Variants in DZIP3 observed in about 807,000 individuals in gnomAD.
DZIP3 encodes DAZ interacting zinc finger protein 3, also known as E3 ubiquitin-protein ligase DZIP3.
A neutral mutation model predicts 162.0 loss-of-function variants in DZIP3; 118 were observed. That is an observed-to-expected ratio of 0.73 (90% CI 0.63 to 0.85). The LOEUF (loss-of-function observed/expected upper bound fraction) is 0.85. Among genes scored for constraint, DZIP3 ranks in the 40% least tolerant of loss-of-function variants. DZIP3 has a pLI of 0.00. For missense variants in DZIP3, 1,331 were observed against 1,407.0 expected, an observed-to-expected ratio of 0.95 and a Z score of 0.86; for synonymous variants, 438 against 458.6, an observed-to-expected ratio of 0.96 and a Z score of 0.57.
intron 9 of DZIP3, among the ~76,000 whole-genome samples, chr3:108,633,608 ATCTC>A (rs1159093623): frequency 6.7e-6 from 1 of 149,804 alleles, no homozygotes; most frequent in East Asian, 2.0e-4. Flanking sequence ...CTTCTGATAG[ATCTC>A]TCTCTCTGGA....
chr3:108,634,759 C>T, intron 9 of DZIP3, 112 bp from the exon 10 acceptor site: 1 of 488,094 alleles, frequency 2.0e-6, no homozygotes. Context: ...TTTTGAATGC[C>T]ATGTAAAATC....
chr3:108,638,350 C>T (rs1273821422), intron 12 of DZIP3, among the ~76,000 whole-genome samples: 1 of 151,550 alleles, frequency 6.6e-6, no homozygotes, highest in Non-Finnish European at 1.5e-5. Flanking sequence ...GAGTCTTGCT[C>T]TGTTGCCCAG....
chr3:108,654,341 C>T (rs1283568931), intron 19 of DZIP3, 31 bp downstream of exon 19: 1 of 1,611,844 alleles, frequency 6.2e-7, no homozygotes, highest in Non-Finnish European at 8.5e-7. Context: ...TGCCTGCCTT[C>T]TCTTATTGTT....
At chr3:108,644,894 A>G in intron 14 of DZIP3, 113 bp downstream of exon 14, 1 of 958,012 alleles carries the variant, frequency 1.0e-6, no homozygotes, top group Non-Finnish European at 1.5e-6. Flanking sequence ...TTTTGGGAAA[A>G]TGGACTCATC....
intron 3 of DZIP3, among the ~76,000 whole-genome samples, chr3:108,609,057 A>C (rs896634885): frequency 6.6e-5 from 10 of 152,138 alleles, no homozygotes; most frequent in Non-Finnish European, 1.5e-4. Flanking sequence ...TTAAACAACA[A>C]GATCTTGTGG....
intron 18 of DZIP3, among the ~76,000 whole-genome samples, chr3:108,653,679 C>T (rs936561619): frequency 4.0e-5 from 6 of 151,558 alleles, no homozygotes; most frequent in African/African-American, 1.5e-4. Context: ...ATGCTGTTTT[C>T]AACTCTCTAT....
chr3:108,644,402 G>C lies in DZIP3; in HGVS notation c.1380G>C (p.Pro460=), dbSNP rs199527435. 12 of 1,613,844 alleles carry C rather than the reference G, an allele frequency of 7.4e-6. No individual in the cohort carries two copies. In the East Asian group the frequency reaches 2.0e-4, roughly 27 times the overall value. The change falls in exon 14 of 33, where the codon CCG becomes CCC. Residue 460 remains proline (P), a synonymous_variant. Transcript: ENST00000361582. ...TTTATCCTCCTAACAAGGAGTTACCGCAATCCAAACAGTTTGACTTATGCC... is the reference window on the plus strand; with the variant it reads ...TTTATCCTCCTAACAAGGAGTTACCCCAATCCAAACAGTTTGACTTATGCC... ...HLLYPPNKEL[P]QSKQFDLCLL...
chr3:108,669,808 C>G, intron 22 of DZIP3, 59 bp downstream of exon 22: 1 of 1,349,442 alleles, frequency 7.4e-7, no homozygotes, highest in Non-Finnish European at 1.1e-6. Flanking sequence ...TCACTCAACA[C>G]TTTCTGGCTG....
At chr3:108,629,757 G>A (rs1941747633) in intron 8 of DZIP3, among the ~76,000 whole-genome samples, 2 of 151,232 alleles carry the variant, frequency 1.3e-5, no homozygotes, top group East Asian at 1.9e-4. Context: ...TATACAATGC[G>A]ATTTTGCCAT....
chr3:108,658,887 C>T (rs1943278072), intron 19 of DZIP3, among the ~76,000 whole-genome samples: 1 of 152,146 alleles, frequency 6.6e-6, no homozygotes, highest in South Asian at 2.1e-4. Flanking sequence ...ACTAGAAAAT[C>T]TAGAAGAAAT....
rs1290151292 is a variant in DZIP3 at position 108,634,887 on chromosome 3, T to C, written c.833T>C (p.Met278Thr). 6.2e-7 allele frequency: 1 copy of C among 1,606,568 alleles called. No individual in the cohort carries two copies. Among genetic ancestry groups the C allele is most frequent in the Admixed American group, 1.7e-5 (1 of 59,270 alleles). The change falls in exon 10 of 33, where the codon ATG (methionine) becomes ACG (threonine). Residue 278 changes from methionine (M) to threonine (T), a missense_variant. Met to Thr is a moderately conservative substitution (Grantham distance 81). This residue lies in a region of DZIP3 where 1,278 missense variants were observed against 1,317.1 expected (regional missense o/e 0.97). Coordinates refer to ENST00000361582, the MANE Select transcript of DZIP3 (RefSeq NM_014648.4). ...TTTTTCCAGGGATTTTTTCAGTTAA[T>C]GTGCAGTAAAAGTTGCTGTGTTTAT... is the stretch of plus-strand genomic sequence containing the variant. ...NTSYKGFFQL[M>T]CSKSCCVYFH...
chr3:108,629,584 A>G (rs1941734589), intron 8 of DZIP3, among the ~76,000 whole-genome samples: 1 of 152,132 alleles, frequency 6.6e-6, no homozygotes, highest in African/African-American at 2.4e-5. Context: ...TCAAATGGAA[A>G]AACCATTGTT....
chr3:108,619,650 A>G (rs1941222189), intron 5 of DZIP3, among the ~76,000 whole-genome samples: 1 of 152,144 alleles, frequency 6.6e-6, no homozygotes, highest in Non-Finnish European at 1.5e-5. Flanking sequence ...GCAGGCTTTA[A>G]TGGATTGGAT....
At chr3:108,610,231 C>T (rs896054183) in intron 3 of DZIP3, among the ~76,000 whole-genome samples, 1 of 152,066 alleles carries the variant, frequency 6.6e-6, no homozygotes, top group African/African-American at 2.4e-5. Context: ...TAATTTAGTA[C>T]TCAAACCCAT....
At chr3:108,678,266 G>A (rs115814067) in intron 26 of DZIP3, among the ~76,000 whole-genome samples, 2,884 of 151,716 alleles carry the variant, frequency 0.019, 100 homozygotes, top group African/African-American at 0.067. Context: ...TGAGTTATAT[G>A]ATTATTTTAT....
In DZIP3 at chr3:108,616,635, A is replaced by G; in HGVS notation, c.353A>G (p.Asn118Ser). Residue 118 changes from asparagine to serine, a missense_variant, in exon 5 of 33, where the codon AAC becomes AGC. Around this residue, in one of 2 missense-constraint regions of DZIP3, gnomAD observed 1,278 missense variants for 1,317.1 expected, o/e 0.97. Transcript: ENST00000361582. ...LITQLEAALRNIQAGNYTAHQ... is the reference protein window; with the variant it reads ...LITQLEAALRSIQAGNYTAHQ... ...ACACAGCTAGAAGCAGCACTTAGGA[A>G]CATTCAAGCTGGCAATTATACCGTA... 1 of 1,595,660 alleles carries G rather than the reference A, an allele frequency of 6.3e-7. No homozygotes were observed. Among genetic ancestry groups the G allele is most frequent in the East Asian group, 2.3e-5 (1 of 42,918 alleles).
intron 1 of DZIP3, among the ~76,000 whole-genome samples, chr3:108,604,535 A>T (rs550144886): frequency 6.6e-6 from 1 of 152,162 alleles, no homozygotes; most frequent in Non-Finnish European, 1.5e-5. Context: ...ATATATACTT[A>T]TGATACTCTA....
At chr3:108,663,558 A>C (rs1327507373) in intron 21 of DZIP3, among the ~76,000 whole-genome samples, 1 of 147,552 alleles carries the variant, frequency 6.8e-6, no homozygotes, top group Non-Finnish European at 1.5e-5. Flanking sequence ...GTCTGTCTCA[A>C]AAAAAAAAAA....
rs538248779 is a variant in DZIP3 at position 108,674,679 on chromosome 3, C to A, written c.2693+498C>A. On this transcript the variant is annotated intron_variant, in intron 24 of 32. Coordinates refer to ENST00000361582, the MANE Select transcript of DZIP3 (RefSeq NM_014648.4). Reference sequence around the variant, plus strand: ...GAAACATCAGTATTAACACCTAAATCGTATGTTAAAGGTAGTTTTCTGCTG... The same window carrying A: ...GAAACATCAGTATTAACACCTAAATAGTATGTTAAAGGTAGTTTTCTGCTG... Among the ~76,000 whole-genome samples, 8 of 151,822 alleles carry A rather than the reference C, an allele frequency of 5.3e-5. No homozygotes were observed. The South Asian group carries it at 1.7e-3, about 32-fold the overall frequency.
Sources: gnomAD v4.1 joint callset for allele counts (sites outside exome capture counted in the v4.1 genomes callset) on GRCh38, gnomAD v4.1.1 for gene constraint, gnomAD v4.1.1 regional missense constraint, MANE v1.5 for transcripts, NCBI Gene and HGNC (gene_info 2026-07-23, HGNC 2026-07-21) for gene names.